Variants in GPC4 observed in about 807,000 individuals in gnomAD.
The protein encoded by GPC4 is glypican-4.
Under a neutral mutation model 35.0 loss-of-function variants are expected in GPC4, and 10 were observed. That is an observed-to-expected ratio of 0.29 (90% CI 0.18 to 0.48). GPC4 has a LOEUF of 0.48. GPC4 is among the 20% of genes least tolerant of loss of function. The pLI, the probability that GPC4 is intolerant of heterozygous loss-of-function variation, is 0.99. For missense variants in GPC4, 322 were observed against 451.3 expected (o/e 0.71, Z 2.60); for synonymous variants, 167 against 170.2 (o/e 0.98, Z 0.15).
intron 1 of GPC4, among the ~76,000 whole-genome samples, chrX:133,382,990 G>C (rs763117169): frequency 8.9e-6 from 1 of 111,998 alleles, no homozygotes; most frequent in South Asian, 3.7e-4. Context: ...AGGCAGTTTG[G>C]CAGTTTCTAA....
intron 1 of GPC4, among the ~76,000 whole-genome samples, chrX:133,399,371 AT>A (rs763744372): frequency 6.3e-5 from 7 of 111,904 alleles, no homozygotes; most frequent in Non-Finnish European, 1.3e-4. Context: ...TGGCCACAGT[AT>A]TGTAAACAAA....
Position 133,407,088 on chromosome X carries a change from ATACACACAC to A in GPC4, c.160+7709_160+7717del, listed in dbSNP as rs1431495582. On this transcript the variant is annotated intron_variant, in intron 1 of 8. Transcript: ENST00000370828. Reference sequence around the variant, plus strand: ...CAAGACTCCATCTCAAAAAAAAAAAATACACACACACACACACACATTCATCCATCCATC... The same window carrying A: ...CAAGACTCCATCTCAAAAAAAAAAAAACACACACACATTCATCCATCCATC... Among the ~76,000 whole-genome samples, 15 of 105,259 alleles carry A rather than the reference ATACACACAC, an allele frequency of 1.4e-4. No homozygotes were observed. The East Asian group carries it at 4.1e-3, about 29-fold the overall frequency. The allele number at this position is 105,259 out of a possible 115,157, so 91.4% of individuals were successfully genotyped here. A position where few individuals can be genotyped will look rare whatever the true frequency, so the allele number is the denominator to read the frequency against.
At chrX:133,309,488 G>C (rs755358639) in intron 4 of GPC4, among the ~76,000 whole-genome samples, 2 of 112,641 alleles carry the variant, frequency 1.8e-5, no homozygotes, top group Non-Finnish European at 3.7e-5. Flanking sequence ...TTAATATAAG[G>C]ATATGAGTTT....
chrX:133,387,917 C>T (rs2068699806), intron 1 of GPC4, among the ~76,000 whole-genome samples: 1 of 111,599 alleles, frequency 9.0e-6, no homozygotes, highest in Non-Finnish European at 1.9e-5. Context: ...TAAATCATCC[C>T]TAGCTATATT....
intron 3 of GPC4, among the ~76,000 whole-genome samples, chrX:133,321,776 T>C (rs1239541662): frequency 8.9e-6 from 1 of 111,936 alleles, no homozygotes; most frequent in Non-Finnish European, 1.9e-5. Flanking sequence ...AAGAATCAGA[T>C]ATTATTCCTT....
At chrX:133,307,158 A>G (rs371064440) in intron 4 of GPC4, among the ~76,000 whole-genome samples, 1 of 112,062 alleles carries the variant, frequency 8.9e-6, no homozygotes, top group African/African-American at 3.2e-5. Context: ...GAAAGGAGTT[A>G]GACCCACATT....
chrX:133,395,204 G>A (rs963989722), intron 1 of GPC4, among the ~76,000 whole-genome samples: 2 of 111,800 alleles, frequency 1.8e-5, no homozygotes, highest in African/African-American at 6.5e-5. Flanking sequence ...TAGGCCCATA[G>A]TGAGTGCTCA....
chrX:133,316,167 A>G (rs771155049), intron 3 of GPC4, among the ~76,000 whole-genome samples: 1 of 112,025 alleles, frequency 8.9e-6, no homozygotes, highest in African/African-American at 3.2e-5. Context: ...TCTATGATAC[A>G]TTTACACAGT....
At chrX:133,313,949 T>C (rs1419383284) in intron 3 of GPC4, among the ~76,000 whole-genome samples, 1 of 111,988 alleles carries the variant, frequency 8.9e-6, no homozygotes, top group Non-Finnish European at 1.9e-5. Flanking sequence ...CAAGTGGCTA[T>C]GAAATGAAAA....
chrX:133,353,718 A>AG (rs1230521898), intron 1 of GPC4, among the ~76,000 whole-genome samples: 1 of 111,195 alleles, frequency 9.0e-6, no homozygotes, highest in African/African-American at 3.3e-5. Context: ...AAGGAGTGAG[A>AG]GAAAAAGAAA....
At chrX:133,363,903 T>A (rs1425810201) in intron 1 of GPC4, among the ~76,000 whole-genome samples, 1 of 112,068 alleles carries the variant, frequency 8.9e-6, no homozygotes, top group African/African-American at 3.2e-5. Context: ...ATTTGCCTAT[T>A]TTGTACATTT....
At chrX:133,320,200 C>G (rs2068357614) in intron 3 of GPC4, among the ~76,000 whole-genome samples, 1 of 111,826 alleles carries the variant, frequency 8.9e-6, no homozygotes, top group Non-Finnish European at 1.9e-5. Context: ...TATGTAAATT[C>G]AGGCATATTG....
At chrX:133,308,998 A>AAG (rs1192930969) in intron 4 of GPC4, among the ~76,000 whole-genome samples, 3 of 110,468 alleles carry the variant, frequency 2.7e-5, no homozygotes, top group Non-Finnish European at 3.8e-5. Flanking sequence ...AAAAAAAAAA[A>AAG]AGAGAGAGAG....
chrX:133,389,607 G>A (rs1182605013), intron 1 of GPC4, among the ~76,000 whole-genome samples: 5 of 111,175 alleles, frequency 4.5e-5, no homozygotes, highest in African/African-American at 6.6e-5. Context: ...AGACAGTCCC[G>A]GCTGTTTTGG....
intron 1 of GPC4, among the ~76,000 whole-genome samples, chrX:133,357,434 C>T (rs189638928): frequency 3.0e-3 from 319 of 107,550 alleles, no homozygotes; most frequent in Middle Eastern, 0.015. Flanking sequence ...GTCACCCACG[C>T]TGGAGTGCAG....
At chrX:133,314,559 A>G (rs985019460) in intron 3 of GPC4, among the ~76,000 whole-genome samples, 1 of 111,911 alleles carries the variant, frequency 8.9e-6, no homozygotes, top group Non-Finnish European at 1.9e-5. Context: ...CAGGCAACTC[A>G]GCTACAACAT....
At chrX:133,353,248 T>G (rs2068524723) in intron 1 of GPC4, among the ~76,000 whole-genome samples, 1 of 111,861 alleles carries the variant, frequency 8.9e-6, no homozygotes, top group Non-Finnish European at 1.9e-5. Flanking sequence ...TTACCATTTT[T>G]GCTTTGGGTA....
chrX:133,377,877 C>CTTTTTTTTTTCTTTTTTTTT (rs2068641616), intron 1 of GPC4, among the ~76,000 whole-genome samples: 1 of 86,191 alleles, frequency 1.2e-5, no homozygotes, highest in Non-Finnish European at 2.2e-5. Context: ...TTTTCTTTTT[C>CTTTTTTTTTTCTTTTTTTTT]TTTTTTTTTT....
intron 1 of GPC4, among the ~76,000 whole-genome samples, chrX:133,362,881 A>G (rs2068575288): frequency 8.9e-6 from 1 of 112,044 alleles, no homozygotes. Context: ...GCTCCCATCC[A>G]TTGCACAGCT....
Sources: gnomAD v4.1 joint callset for allele counts (sites outside exome capture counted in the v4.1 genomes callset) on GRCh38, gnomAD v4.1.1 for gene constraint, MANE v1.5 for transcripts, NCBI Gene and HGNC (gene_info 2026-07-23, HGNC 2026-07-21) for gene names.